The following LNP1 variants were observed in gnomAD, a reference collection of about 807,000 sequenced individuals.
LNP1 encodes leukemia NUP98 fusion partner 1.
In LNP1, 12 loss-of-function variants were observed where a neutral mutation model predicts 14.5. The ratio of observed to expected loss-of-function variants is 0.83; its 90% CI spans 0.53 to 1.34. LNP1 has a LOEUF of 1.34. Ranked by LOEUF, LNP1 falls within the 40% of genes most tolerant of loss-of-function variation. LNP1 has a pLI of 0.00. For missense variants in LNP1, 198 were observed against 210.9 expected (o/e 0.94, Z 0.38); for synonymous variants, 75 against 71.4 (o/e 1.05, Z -0.26).
At chr3:100,418,052 T>C (rs2148900759) in intron 1 of LNP1, among the ~76,000 whole-genome samples, 1 of 150,338 alleles carries the variant, frequency 6.7e-6, no homozygotes, top group Middle Eastern at 3.4e-3. Flanking sequence ...CTTTCATTTC[T>C]CATACCATTT....
intron 3 of LNP1, among the ~76,000 whole-genome samples, chr3:100,453,093 A>C (rs1277387271): frequency 2.6e-5 from 4 of 152,130 alleles, no homozygotes; most frequent in African/African-American, 9.7e-5. Flanking sequence ...TTCGTATTTC[A>C]TTGTCCACCT....
At chr3:100,418,277 C>T (rs370773307) in intron 1 of LNP1, among the ~76,000 whole-genome samples, 3 of 149,256 alleles carry the variant, frequency 2.0e-5, no homozygotes, top group Non-Finnish European at 4.5e-5. Flanking sequence ...AGGCTGGTTT[C>T]GAACTCCTGA....
At position 100,424,052 on chromosome 3, in the gene LNP1, A is replaced by G. The variant is rs546700318; in HGVS notation, c.-33-5645A>G. Among the ~76,000 whole-genome samples the G allele has an allele frequency of 7.2e-5, 11 of 152,344 alleles. No homozygotes were observed. The South Asian group carries it at 1.5e-3, about 20-fold the overall frequency. ...ATGTTTGTTTTAAGAACCTTAGCGT[A>G]GTAGAGTAGGGAGCTATCTTTTCCT... On this transcript the variant is annotated intron_variant, in intron 1 of 3. Transcript: ENST00000383693.
chr3:100,431,953 C>T (rs752444563), intron 2 of LNP1, among the ~76,000 whole-genome samples: 58 of 134,942 alleles, frequency 4.3e-4, no homozygotes, highest in Non-Finnish European at 8.0e-4. Context: ...GGTGAACATG[C>T]CACTGCTTTC....
chr3:100,407,049 T>C (rs1291783260), intron 1 of LNP1, among the ~76,000 whole-genome samples: 1 of 152,248 alleles, frequency 6.6e-6, no homozygotes, highest in Non-Finnish European at 1.5e-5. Context: ...GCTGTAGTTA[T>C]TAATTTTAAT....
chr3:100,409,580 A>G lies in LNP1; in HGVS notation c.-34+7141A>G, dbSNP rs1382863178. Among the ~76,000 whole-genome samples the G allele has an allele frequency of 2.6e-4, 30 of 116,288 alleles. No homozygotes were observed. The East Asian group carries it at 0.012, about 47-fold the overall frequency. The allele number at this position is 116,288 out of a possible 152,430, so 76.3% of individuals were successfully genotyped here. On this transcript the variant is annotated intron_variant, in intron 1 of 3. Transcript: ENST00000383693. ...CATACACACACACACACACACACACACACACACACACATATATATATATAT... is the reference window on the plus strand; with the variant it reads ...CATACACACACACACACACACACACGCACACACACACATATATATATATAT...
chr3:100,451,572 G>A (rs1707438037), intron 2 of LNP1, 147 bp from the exon 3 acceptor site: 1 of 593,914 alleles, frequency 1.7e-6, no homozygotes, highest in Non-Finnish European at 3.0e-6. Flanking sequence ...AGTGATTTGG[G>A]GGCCTCAAGT....
intron 1 of LNP1, among the ~76,000 whole-genome samples, chr3:100,411,854 G>C (rs139358826): frequency 6.6e-6 from 1 of 151,962 alleles, no homozygotes; most frequent in Admixed American, 6.6e-5. Context: ...TGGGGGTTAG[G>C]GCTTCAACAT....
intron 2 of LNP1, among the ~76,000 whole-genome samples, chr3:100,450,197 C>T (rs1707425425): frequency 6.7e-6 from 1 of 149,332 alleles, no homozygotes; most frequent in African/African-American, 2.5e-5. Context: ...GTTGATCAAA[C>T]CCAATGGGAA....
chr3:100,412,237 G>A (rs1707038152), intron 1 of LNP1, among the ~76,000 whole-genome samples: 1 of 152,122 alleles, frequency 6.6e-6, no homozygotes. Flanking sequence ...ACTTTCTTAG[G>A]AACTAATCTG....
chr3:100,409,297 C>T (rs1193874484), intron 1 of LNP1, among the ~76,000 whole-genome samples: 2 of 152,056 alleles, frequency 1.3e-5, no homozygotes, highest in East Asian at 1.9e-4. Flanking sequence ...ATACTATCAG[C>T]TCTCCTTGGT....
chr3:100,452,228 G>A, intron 3 of LNP1, among the ~76,000 whole-genome samples: 1 of 145,722 alleles, frequency 6.9e-6, no homozygotes, highest in East Asian at 2.0e-4. Context: ...TTTGAGATAG[G>A]GTCTTACTCT....
At chr3:100,443,037 G>C (rs1297023556) in intron 2 of LNP1, among the ~76,000 whole-genome samples, 1 of 152,186 alleles carries the variant, frequency 6.6e-6, no homozygotes, top group African/African-American at 2.4e-5. Context: ...CCATACATCA[G>C]TAGGCAGGTA....
chr3:100,416,041 T>G (rs893622858), intron 1 of LNP1, among the ~76,000 whole-genome samples: 40 of 152,272 alleles, frequency 2.6e-4, no homozygotes, highest in African/African-American at 9.4e-4. Flanking sequence ...TAGATGAACC[T>G]AGAGTCTGGA....
At chr3:100,433,928 T>C (rs1707267024) in intron 2 of LNP1, among the ~76,000 whole-genome samples, 1 of 152,228 alleles carries the variant, frequency 6.6e-6, no homozygotes. Context: ...TTGTTTCTTG[T>C]AAATTTGTTT....
At chr3:100,448,350 C>T (rs1046737747) in intron 2 of LNP1, among the ~76,000 whole-genome samples, 2 of 152,110 alleles carry the variant, frequency 1.3e-5, no homozygotes, top group Non-Finnish European at 2.9e-5. Context: ...ACTAGACTGC[C>T]TAAAACCACA....
intron 1 of LNP1, among the ~76,000 whole-genome samples, chr3:100,410,691 C>A (rs1707024326): frequency 6.6e-6 from 1 of 152,206 alleles, no homozygotes; most frequent in African/African-American, 2.4e-5. Flanking sequence ...CCAGCAGAAA[C>A]ACTGCTGGCT....
At chr3:100,406,906 G>A (rs1379173268) in intron 1 of LNP1, among the ~76,000 whole-genome samples, 1 of 152,180 alleles carries the variant, frequency 6.6e-6, no homozygotes, top group Non-Finnish European at 1.5e-5. Context: ...ATTTTAGACT[G>A]ATAACAAGTT....
intron 1 of LNP1, among the ~76,000 whole-genome samples, chr3:100,424,825 A>G (rs1467692893): frequency 1.3e-5 from 2 of 152,200 alleles, no homozygotes; most frequent in Non-Finnish European, 1.5e-5. Flanking sequence ...TGGTCAAGGC[A>G]TTTTATAGCA....
Sources: gnomAD v4.1 joint callset for allele counts (sites outside exome capture counted in the v4.1 genomes callset) on GRCh38, gnomAD v4.1.1 for gene constraint, MANE v1.5 for transcripts, NCBI Gene and HGNC (gene_info 2026-07-23, HGNC 2026-07-21) for gene names.